Variants in KMT2C observed in about 807,000 individuals in gnomAD.
The protein encoded by KMT2C is lysine methyltransferase 2C, also known as histone-lysine N-methyltransferase 2C.
Under a neutral mutation model 507.9 loss-of-function variants are expected in KMT2C, and 88 were observed. The observed-to-expected ratio is 0.17, with a 90% CI of 0.15 to 0.21. The LOEUF (loss-of-function observed/expected upper bound fraction) is 0.21, where lower values mean the gene tolerates loss of function less well. Ranked by LOEUF, KMT2C falls within the 10% of genes least tolerant of loss-of-function variation. The pLI, the probability that KMT2C is intolerant of heterozygous loss-of-function variation, is 1.00. For synonymous variants in KMT2C, 2,049 were observed against 2,080.8 expected, an observed-to-expected ratio of 0.98 and a Z score of 0.42; for missense variants, 4,954 against 5,957.8, an observed-to-expected ratio of 0.83 and a Z score of 5.55.
intron 14 of KMT2C, among the ~76,000 whole-genome samples, chr7:152,239,357 G>A (rs180867641): frequency 6.6e-6 from 1 of 152,256 alleles, no homozygotes; most frequent in Non-Finnish European, 1.5e-5. Context: ...ACTGTAGAGA[G>A]CTGGTAACAT....
At chr7:152,296,234 G>A in intron 6 of KMT2C, among the ~76,000 whole-genome samples, 1 of 151,460 alleles carries the variant, frequency 6.6e-6, no homozygotes. Context: ...TTCAAGACTA[G>A]CCTGGGCAAC....
At chr7:152,353,505 T>G (rs1435205363) in intron 2 of KMT2C, among the ~76,000 whole-genome samples, 2 of 152,124 alleles carry the variant, frequency 1.3e-5, no homozygotes, top group African/African-American at 4.8e-5. Context: ...ATTCTTTTCT[T>G]TTTTCTGAGA....
chr7:152,217,593 T>C (rs1027205331), intron 23 of KMT2C, among the ~76,000 whole-genome samples: 3 of 152,150 alleles, frequency 2.0e-5, no homozygotes, highest in African/African-American at 7.2e-5. Context: ...CACTAAACAA[T>C]CTTTTTTCAT....
intron 1 of KMT2C, among the ~76,000 whole-genome samples, chr7:152,362,070 GAA>G (rs1168982730): frequency 6.6e-6 from 1 of 152,082 alleles, no homozygotes; most frequent in Non-Finnish European, 1.5e-5. Flanking sequence ...ATTCTAGTGA[GAA>G]GAGACAACAG....
At chr7:152,139,629 G>T in intron 56 of KMT2C, 46 bp downstream of exon 56, 2 of 1,261,954 alleles carry the variant, frequency 1.6e-6, no homozygotes, top group South Asian at 1.2e-5. Flanking sequence ...GAGAAAGGGA[G>T]AGGATGATGG....
At chr7:152,393,232 T>C (rs907130693) in intron 1 of KMT2C, among the ~76,000 whole-genome samples, 6 of 152,220 alleles carry the variant, frequency 3.9e-5, no homozygotes, top group African/African-American at 1.4e-4. Context: ...CTATAAATTA[T>C]GCATTGGACT....
intron 6 of KMT2C, among the ~76,000 whole-genome samples, chr7:152,287,499 C>T (rs1036384912): frequency 1.3e-5 from 2 of 152,102 alleles, no homozygotes; most frequent in African/African-American, 4.8e-5. Context: ...ACCCCAAAAG[C>T]AAAGTTTCAG....
chr7:152,307,244 A>AC (rs1563802982), intron 6 of KMT2C, among the ~76,000 whole-genome samples: 4 of 120,230 alleles, frequency 3.3e-5, no homozygotes, highest in African/African-American at 1.6e-4. Flanking sequence ...GAAGGAAGGA[A>AC]GGAAGGACGG....
intron 42 of KMT2C, among the ~76,000 whole-genome samples, chr7:152,166,926 TTTAG>T (rs1400202343): frequency 2.0e-5 from 3 of 152,248 alleles, no homozygotes; most frequent in South Asian, 2.1e-4. Flanking sequence ...GTGTCATTTA[TTTAG>T]TATGTGCTGT....
At position 152,163,089 on chromosome 7, in the gene KMT2C, G is replaced by A. The variant is rs145636566; in HGVS notation, c.10488C>T (p.Pro3496=). 225 of 1,614,222 alleles carry A rather than the reference G, an allele frequency of 1.4e-4. No individual in the cohort carries two copies. Among genetic ancestry groups the A allele is most frequent in the Admixed American group, 3.5e-4 (21 of 60,032 alleles). Reference sequence around the variant, plus strand: ...TAGTCTGCATGAAAGTTTGGGTGGAGGGTGAATTAATTGATCCTTGTTGTA... The same window carrying A: ...TAGTCTGCATGAAAGTTTGGGTGGAAGGTGAATTAATTGATCCTTGTTGTA... ...QNIQQGSINS[P]STQTFMQTNE... Residue 3496 remains proline (P), a synonymous_variant, in exon 43 of 59, where the codon CCC becomes CCT. Coordinates refer to ENST00000262189, the MANE Select transcript of KMT2C (RefSeq NM_170606.3).
Position 152,174,253 on chromosome 7 carries a change from A to C in KMT2C, c.9263-11T>G. 1 of 1,367,440 alleles carries C rather than the reference A, an allele frequency of 7.3e-7. No individual in the cohort carries two copies. The highest frequency in any genetic ancestry group is 1.0e-6 in the Non-Finnish European group (1 of 963,864). 84.7% of individuals were successfully genotyped at this position (1,367,440 alleles called of 1,614,324 possible). A position where few individuals can be genotyped will look rare whatever the true frequency, so the allele number is the denominator to read the frequency against. ...TAATTGCATCAAAATCTAGAAAAGA[A>C]ATATAAAGTTACTTATTTCATAGTA... is the stretch of plus-strand genomic sequence containing the variant. On this transcript the variant is annotated splice_polypyrimidine_tract_variant and intron_variant, in intron 38 of 58. Transcript: ENST00000262189.
chr7:152,314,196 T>C (rs2096701317), intron 4 of KMT2C, among the ~76,000 whole-genome samples: 2 of 152,282 alleles, frequency 1.3e-5, no homozygotes, highest in South Asian at 4.1e-4. Context: ...CTACTTCAGG[T>C]CTTCAAGGCA....
In KMT2C at chr7:152,176,989, C is replaced by A. The variant is rs2129114006; in HGVS notation, c.8464G>T (p.Val2822Leu). 3.1e-6 allele frequency: 5 copies of A among 1,614,010 alleles called. No individual in the cohort carries two copies. Among genetic ancestry groups the A allele is most frequent in the Non-Finnish European group, 4.2e-6 (5 of 1,179,946 alleles). Reference sequence around the variant, plus strand: ...TTTGGAGACAGTACTTCCGTTTTTACCTCATTGGTAACAGTGGATTTTTTC... The same window carrying A: ...TTTGGAGACAGTACTTCCGTTTTTAACTCATTGGTAACAGTGGATTTTTTC... Reference protein sequence around the residue: ...PQKKSTVTNEVKTEVLSPNSK... With the variant: ...PQKKSTVTNELKTEVLSPNSK... Residue 2822 changes from valine to leucine, a missense_variant, in exon 38 of 59, where the codon GTA (valine) becomes TTA (leucine). This residue lies in a region of KMT2C where 1,689 missense variants were observed against 1,654.3 expected (regional missense o/e 1.02). Transcript: ENST00000262189.
intron 5 of KMT2C, among the ~76,000 whole-genome samples, chr7:152,311,084 GTT>G (rs1262884367): frequency 1.3e-5 from 2 of 151,432 alleles, no homozygotes; most frequent in East Asian, 3.9e-4. Context: ...AACAAAATTA[GTT>G]TTTAGTCATT....
intron 36 of KMT2C, 94 bp from the exon 37 acceptor site, chr7:152,180,220 T>C (rs894164350): frequency 6.3e-5 from 86 of 1,356,524 alleles, no homozygotes; most frequent in Non-Finnish European, 8.0e-5. Flanking sequence ...GGGATCTTGC[T>C]ATGTTGCCCA....
In KMT2C at chr7:152,139,788, G is replaced by C. The variant is rs947805923; in HGVS notation, c.14347C>G (p.Leu4783Val). ...ATGTCTCGAGCAGCATACAGGCCCA[G>C]CCCCTAAAAAAAAGTGTGTACATAC... ...VYLARSRIQGLGLYAARDIEK... is the reference protein window; with the variant it reads ...VYLARSRIQGVGLYAARDIEK... Residue 4783 changes from leucine to valine, a missense_variant, in exon 56 of 59, where the codon CTG (leucine) becomes GTG (valine). Transcript: ENST00000262189. 6.2e-7 allele frequency: 1 copy of C among 1,611,386 alleles called. No individual in the cohort carries two copies. The highest frequency in any genetic ancestry group is 8.5e-7 in the Non-Finnish European group (1 of 1,178,132).
In KMT2C at chr7:152,174,204, T is replaced by C. The variant is rs754722659; in HGVS notation, c.9301A>G (p.Met3101Val). ...AITDPIMKAK[M>V]VALKGINKVM... Reference sequence around the variant, plus strand: ...TTATTTATACCTTTAAGGGCCACCATTTTGGCTTTCATTATAGGATCTGTA... The same window carrying C: ...TTATTTATACCTTTAAGGGCCACCACTTTGGCTTTCATTATAGGATCTGTA... The change falls in exon 39 of 59, where the codon ATG (methionine) becomes GTG (valine). Residue 3101 changes from methionine (M) to valine (V), a missense_variant. Transcript: ENST00000262189. The C allele has an allele frequency of 6.2e-7, 1 of 1,608,046 alleles. No homozygotes were observed. The highest frequency in any genetic ancestry group is 2.2e-5 in the East Asian group (1 of 44,546).
Position 152,367,215 on chromosome 7 carries a change from T to C in KMT2C, c.162-8540A>G, listed in dbSNP as rs551838446. 19 of 1,490,574 alleles carry C rather than the reference T, an allele frequency of 1.3e-5. No individual in the cohort carries two copies. In the East Asian group the frequency reaches 3.1e-4, roughly 25 times the overall value. 92.3% of individuals were successfully genotyped at this position (1,490,574 alleles called of 1,614,324 possible). ...TGAGGAAGCTTTTCTACTCAGCAGA[T>C]GCAGTGTGTTTTGATGTTGACAGCA... On this transcript the variant is annotated intron_variant, in intron 1 of 58. Transcript: ENST00000262189.
At chr7:152,246,346 AG>A (rs940394488) in intron 14 of KMT2C, among the ~76,000 whole-genome samples, 6 of 152,174 alleles carry the variant, frequency 3.9e-5, no homozygotes, top group Non-Finnish European at 7.4e-5. Flanking sequence ...GCAGAAAAAT[AG>A]AAAGATTATC....
Sources: gnomAD v4.1 joint callset for allele counts (sites outside exome capture counted in the v4.1 genomes callset) on GRCh38, gnomAD v4.1.1 for gene constraint, gnomAD v4.1.1 regional missense constraint, MANE v1.5 for transcripts, NCBI Gene and HGNC (gene_info 2026-07-23, HGNC 2026-07-21) for gene names.